Variants in PRICKLE1 observed in about 807,000 individuals in gnomAD.
PRICKLE1 encodes the protein prickle planar cell polarity protein 1.
Under a neutral mutation model 70.2 loss-of-function variants are expected in PRICKLE1, and 14 were observed. That is an observed-to-expected ratio of 0.20 (90% CI 0.13 to 0.31). The LOEUF (loss-of-function observed/expected upper bound fraction) is 0.31. Ranked by LOEUF, PRICKLE1 falls within the 10% of genes least tolerant of loss-of-function variation. The pLI is 1.00. For synonymous variants in PRICKLE1, 357 were observed against 379.9 expected, an observed-to-expected ratio of 0.94 and a Z score of 0.70; for missense variants, 821 against 1,026.2, an observed-to-expected ratio of 0.80 and a Z score of 2.73.
intron 1 of PRICKLE1, among the ~76,000 whole-genome samples, chr12:42,536,701 G>A (rs1940022019): frequency 6.6e-6 from 1 of 152,124 alleles, no homozygotes; most frequent in Admixed American, 6.6e-5. Flanking sequence ...CTGCTCACCT[G>A]GGCAAGATGC....
In PRICKLE1 at chr12:42,465,019, T is replaced by A; in HGVS notation, c.1015A>T (p.Ser339Cys). The A allele has an allele frequency of 6.2e-7, 1 of 1,601,302 alleles. No individual in the cohort carries two copies. Among genetic ancestry groups the A allele is most frequent in the Non-Finnish European group, 8.5e-7 (1 of 1,174,412 alleles). ...DSRRSVRMGK[S>C]SRSADQCRQS... ...CTACACTGATCTGCTGACCGGCTGC[T>A]CTTGCCCATTCGGACACTTCTTCGG... The change falls in exon 7 of 8, where the codon AGC (serine) becomes TGC (cysteine). Residue 339 changes from serine (S) to cysteine (C), a missense_variant. Coordinates refer to ENST00000345127, the MANE Select transcript of PRICKLE1 (RefSeq NM_153026.3).
chr12:42,583,034 CT>C (rs61083100), intron 1 of PRICKLE1, among the ~76,000 whole-genome samples: 14,194 of 152,156 alleles, frequency 0.093, 733 homozygotes, highest in African/African-American at 0.13. Flanking sequence ...TTATGTGTTT[CT>C]TCCGAAAATT....
chr12:42,567,749 C>T (rs933972163), intron 1 of PRICKLE1, among the ~76,000 whole-genome samples: 13 of 149,576 alleles, frequency 8.7e-5, no homozygotes, highest in Non-Finnish European at 1.5e-4. Flanking sequence ...ATAGCTTGAA[C>T]CCGGGAGGCA....
chr12:42,479,559 G>GCATT (rs903570404), intron 1 of PRICKLE1, among the ~76,000 whole-genome samples: 31 of 152,186 alleles, frequency 2.0e-4, no homozygotes, highest in African/African-American at 6.3e-4. Flanking sequence ...TTCATTCACT[G>GCATT]CATTCATTCA....
At chr12:42,477,371 TCAAAA>T (rs1384509315) in intron 1 of PRICKLE1, among the ~76,000 whole-genome samples, 10 of 143,242 alleles carry the variant, frequency 7.0e-5, no homozygotes, top group Non-Finnish European at 1.5e-4. Flanking sequence ...AAACTCTGTC[TCAAAA>T]CAAAACAAAA....
intron 1 of PRICKLE1, among the ~76,000 whole-genome samples, chr12:42,512,101 C>T (rs937261819): frequency 1.4e-5 from 2 of 139,296 alleles, no homozygotes; most frequent in Non-Finnish European, 3.2e-5. Context: ...TGCCTGAATG[C>T]CCCAAAGGAT....
intron 1 of PRICKLE1, among the ~76,000 whole-genome samples, chr12:42,542,316 A>AAAATTT: frequency 6.6e-6 from 1 of 152,216 alleles, no homozygotes; most frequent in East Asian, 1.9e-4. Context: ...TAATGTTATT[A>AAAATTT]CATATTTAAT....
chr12:42,490,465 G>A (rs1476076101), intron 1 of PRICKLE1, among the ~76,000 whole-genome samples: 2 of 152,206 alleles, frequency 1.3e-5, no homozygotes, highest in African/African-American at 4.8e-5. Flanking sequence ...GGGTAGTGGG[G>A]AGCCACAGAA....
At chr12:42,519,478 G>A (rs1286506306) in intron 1 of PRICKLE1, among the ~76,000 whole-genome samples, 1 of 152,142 alleles carries the variant, frequency 6.6e-6, no homozygotes, top group Admixed American at 6.5e-5. Flanking sequence ...TTATAGGCAT[G>A]AGCCACCGTA....
intron 1 of PRICKLE1, among the ~76,000 whole-genome samples, chr12:42,501,320 T>A (rs1307597778): frequency 6.6e-6 from 1 of 151,866 alleles, no homozygotes; most frequent in African/African-American, 2.4e-5. Context: ...CTGGCCAACA[T>A]GGTGAAACCC....
intron 1 of PRICKLE1, among the ~76,000 whole-genome samples, chr12:42,565,447 C>G (rs1190770580): frequency 1.3e-5 from 2 of 152,154 alleles, no homozygotes; most frequent in African/African-American, 4.8e-5. Context: ...TCCCAATCCC[C>G]TGCCCCAAAT....
intron 1 of PRICKLE1, among the ~76,000 whole-genome samples, chr12:42,541,434 G>T (rs1187070170): frequency 6.6e-6 from 1 of 151,554 alleles, no homozygotes; most frequent in Admixed American, 6.6e-5. Context: ...TCGACCTCCT[G>T]GGCTCAAGCA....
In PRICKLE1 at chr12:42,459,350, T is replaced by G; in HGVS notation, c.*459A>C. On this transcript the variant is annotated 3_prime_UTR_variant, in exon 8 of 8. Transcript: ENST00000345127. ...GGGACAAGCTGGCCTCACAATAAGA[T>G]GCACAGTGTTAGCTAGGTCATCGTG... 1 of 702,510 alleles carries G rather than the reference T, an allele frequency of 1.4e-6. No individual in the cohort carries two copies. The highest frequency in any genetic ancestry group is 2.6e-6 in the Non-Finnish European group (1 of 384,970). The allele number at this position is 702,510 out of a possible 1,614,324, so 43.5% of individuals were successfully genotyped here.
At chr12:42,503,563 G>A (rs1008047374) in intron 1 of PRICKLE1, among the ~76,000 whole-genome samples, 1 of 152,130 alleles carries the variant, frequency 6.6e-6, no homozygotes, top group Non-Finnish European at 1.5e-5. Context: ...GTCTATTTGA[G>A]CTCTTCAGTG....
chr12:42,529,897 A>AG (rs1939877974), intron 1 of PRICKLE1, among the ~76,000 whole-genome samples: 1 of 152,016 alleles, frequency 6.6e-6, no homozygotes, highest in African/African-American at 2.4e-5. Context: ...TCAAAAAAAA[A>AG]GGAAAAAGGA....
intron 1 of PRICKLE1, among the ~76,000 whole-genome samples, chr12:42,479,998 G>A (rs926395905): frequency 1.3e-5 from 2 of 151,492 alleles, no homozygotes; most frequent in African/African-American, 2.4e-5. Flanking sequence ...GCTTTCTTTC[G>A]TGGTGGCACG....
chr12:42,470,891 G>A (rs1232687245), intron 2 of PRICKLE1, among the ~76,000 whole-genome samples: 2 of 149,976 alleles, frequency 1.3e-5, no homozygotes, highest in East Asian at 2.0e-4. Context: ...GAGTGACAGA[G>A]CAAGAATCCG....
intron 1 of PRICKLE1, among the ~76,000 whole-genome samples, chr12:42,506,259 C>T (rs968961042): frequency 0.011 from 1,316 of 120,942 alleles, 111 homozygotes; most frequent in African/African-American, 0.024. Context: ...TTCTTTCTTT[C>T]TTTTTTTTTT....
intron 1 of PRICKLE1, chr12:42,584,288 C>G: frequency 6.6e-6 from 1 of 152,102 alleles, no homozygotes; most frequent in Non-Finnish European, 1.5e-5. Context: ...GTCCAATAAC[C>G]TAAAAAGATA....
Sources: gnomAD v4.1 joint callset for allele counts (sites outside exome capture counted in the v4.1 genomes callset) on GRCh38, gnomAD v4.1.1 for gene constraint, MANE v1.5 for transcripts, NCBI Gene and HGNC (gene_info 2026-07-23, HGNC 2026-07-21) for gene names.